The following ZDHHC14 variants were observed in gnomAD, a reference collection of about 807,000 sequenced individuals.
ZDHHC14 encodes the protein zDHHC palmitoyltransferase 14.
In ZDHHC14, 16 loss-of-function variants were observed where a neutral mutation model predicts 47.7. The ratio of observed to expected loss-of-function variants is 0.34; its 90% CI spans 0.23 to 0.51. The LOEUF (loss-of-function observed/expected upper bound fraction) is 0.51, where lower values mean the gene tolerates loss of function less well. ZDHHC14 is among the 20% of genes least tolerant of loss of function. ZDHHC14 has a pLI of 0.97. For synonymous variants in ZDHHC14, 293 were observed against 278.9 expected, an observed-to-expected ratio of 1.05 and a Z score of -0.50; for missense variants, 515 against 662.5, an observed-to-expected ratio of 0.78 and a Z score of 2.44.
At chr6:157,663,389 G>A (rs1244656137) in intron 8 of ZDHHC14, among the ~76,000 whole-genome samples, 1 of 152,212 alleles carries the variant, frequency 6.6e-6, no homozygotes, top group Admixed American at 6.5e-5. Context: ...GTCAGACTTG[G>A]GACAGGGAGC....
At chr6:157,597,023 C>T (rs1162206266) in intron 3 of ZDHHC14, among the ~76,000 whole-genome samples, 1 of 152,144 alleles carries the variant, frequency 6.6e-6, no homozygotes, top group Non-Finnish European at 1.5e-5. Flanking sequence ...TGCCTGTTTC[C>T]GTCTGTCTCT....
intron 1 of ZDHHC14, among the ~76,000 whole-genome samples, chr6:157,425,593 T>C (rs1367252706): frequency 6.6e-6 from 1 of 152,370 alleles, no homozygotes; most frequent in East Asian, 1.9e-4. Flanking sequence ...TTTATCATGT[T>C]AGGAAATTAT....
intron 1 of ZDHHC14, among the ~76,000 whole-genome samples, chr6:157,522,577 A>G (rs1427741519): frequency 6.6e-6 from 1 of 151,980 alleles, no homozygotes; most frequent in African/African-American, 2.4e-5. Context: ...AGCACAGCAA[A>G]CTTTTAGTGG....
At chr6:157,550,864 G>A (rs1217531935) in intron 2 of ZDHHC14, among the ~76,000 whole-genome samples, 3 of 152,190 alleles carry the variant, frequency 2.0e-5, no homozygotes, top group African/African-American at 7.2e-5. Context: ...ATGGCGTACA[G>A]CAATGTTGAC....
At chr6:157,428,602 T>C (rs1406901143) in intron 1 of ZDHHC14, among the ~76,000 whole-genome samples, 1 of 152,074 alleles carries the variant, frequency 6.6e-6, no homozygotes, top group East Asian at 1.9e-4. Context: ...AGAGGCGCAT[T>C]CCTGCTTAGC....
chr6:157,662,374 G>A (rs1778383176), intron 8 of ZDHHC14, among the ~76,000 whole-genome samples: 1 of 152,154 alleles, frequency 6.6e-6, no homozygotes. Flanking sequence ...TACAGACAGG[G>A]TTTCACCATG....
intron 2 of ZDHHC14, among the ~76,000 whole-genome samples, chr6:157,563,485 CT>C (rs1782789078): frequency 6.6e-6 from 1 of 152,190 alleles, no homozygotes; most frequent in East Asian, 1.9e-4. Context: ...GGAGTGTGTG[CT>C]CTTATGCCTC....
chr6:157,531,021 C>T (rs939602310), intron 1 of ZDHHC14, among the ~76,000 whole-genome samples: 2 of 151,904 alleles, frequency 1.3e-5, no homozygotes, highest in Non-Finnish European at 2.9e-5. Flanking sequence ...GGAGAGAGAT[C>T]GTTAGCTCAG....
At chr6:157,542,548 T>C (rs555235253) in intron 1 of ZDHHC14, 37 bp from the exon 2 acceptor site, 1 of 1,598,844 alleles carries the variant, frequency 6.3e-7, no homozygotes, top group African/African-American at 1.3e-5. Context: ...TTTCCTTTCT[T>C]TTCCCCTTCT....
At chr6:157,444,545 G>A (rs1778622210) in intron 1 of ZDHHC14, among the ~76,000 whole-genome samples, 1 of 152,110 alleles carries the variant, frequency 6.6e-6, no homozygotes, top group Non-Finnish European at 1.5e-5. Context: ...GGGCATGGTG[G>A]TGCACACCTG....
At chr6:157,452,590 A>G (rs1222541334) in intron 1 of ZDHHC14, among the ~76,000 whole-genome samples, 1 of 151,210 alleles carries the variant, frequency 6.6e-6, no homozygotes, top group Non-Finnish European at 1.5e-5. Context: ...ATGATATCTT[A>G]ATTTTCTATA....
chr6:157,418,034 C>G (rs757985171), intron 1 of ZDHHC14, among the ~76,000 whole-genome samples: 1 of 152,022 alleles, frequency 6.6e-6, no homozygotes, highest in Admixed American at 6.6e-5. Flanking sequence ...AGCGATGTCT[C>G]GGGGCCCAGG....
At position 157,381,672 on chromosome 6, in the gene ZDHHC14, G is replaced by A. The variant is rs1777212764; in HGVS notation, c.-350G>A. On this transcript the variant is annotated 5_prime_UTR_variant, in exon 1 of 9. Transcript: ENST00000359775. ...GCGGCCGGGGAGCCGGGGGCTGCGG[G>A]GCCGAGCGGGCAGCCGCGCGAGGGG... is the stretch of plus-strand genomic sequence containing the variant. 6.8e-6 allele frequency: 1 copy of A among 146,034 alleles called. No homozygotes were observed. The highest frequency in any genetic ancestry group is 1.5e-5 in the Non-Finnish European group (1 of 65,802). 9.0% of individuals were successfully genotyped at this position (146,034 alleles called of 1,614,324 possible).
chr6:157,474,101 G>T (rs757971161), intron 1 of ZDHHC14, among the ~76,000 whole-genome samples: 1 of 150,246 alleles, frequency 6.7e-6, no homozygotes. Flanking sequence ...CAATTCTCCT[G>T]CTTCAGCCTC....
intron 1 of ZDHHC14, among the ~76,000 whole-genome samples, chr6:157,526,784 G>A (rs147410164): frequency 8.5e-5 from 13 of 152,310 alleles, no homozygotes; most frequent in South Asian, 2.1e-4. Context: ...ACACACGTGC[G>A]CCAGGGCTCG....
intron 2 of ZDHHC14, among the ~76,000 whole-genome samples, chr6:157,552,182 A>G (rs1227402294): frequency 2.0e-5 from 3 of 152,216 alleles, no homozygotes; most frequent in Non-Finnish European, 4.4e-5. Context: ...GACTCACTGG[A>G]ATATTACTAT....
At chr6:157,519,237 GTC>G (rs1276668166) in intron 1 of ZDHHC14, among the ~76,000 whole-genome samples, 24 of 152,204 alleles carry the variant, frequency 1.6e-4, no homozygotes, top group African/African-American at 5.8e-4. Context: ...CTATGATAGT[GTC>G]TCTACTTCAA....
rs115247445 is a variant in ZDHHC14 at position 157,658,885 on chromosome 6, C to A, written c.1068+5258C>A. ...GTCTCGAAAAGTTTGTGAAGAACTG[C>A]TGTTAATTCATCTTTAAAGATTTGG... is the stretch of plus-strand genomic sequence containing the variant. On this transcript the variant is annotated intron_variant, in intron 8 of 8. Transcript: ENST00000359775. Among the ~76,000 whole-genome samples, 519 of 152,272 alleles carry A rather than the reference C, an allele frequency of 3.4e-3. 8 individuals are homozygous for A. Among genetic ancestry groups the A allele is most frequent in the African/African-American group, 0.012 (494 of 41,538 alleles).
chr6:157,386,721 T>G (rs145001187), intron 1 of ZDHHC14, among the ~76,000 whole-genome samples: 2 of 152,216 alleles, frequency 1.3e-5, no homozygotes, highest in East Asian at 3.8e-4. Flanking sequence ...CAGCTCACCC[T>G]CTTTGCAGCT....
Sources: allele counts gnomAD v4.1 joint callset (sites outside exome capture counted in the v4.1 genomes callset), GRCh38; gene constraint gnomAD v4.1.1; transcripts MANE v1.5; gene names NCBI Gene and HGNC (gene_info 2026-07-23, HGNC 2026-07-21).